The following PCDH9 variants were observed in gnomAD, a reference collection of about 807,000 sequenced individuals.
PCDH9 encodes the protein protocadherin-9.
In PCDH9, 24 loss-of-function variants were observed where a neutral mutation model predicts 70.6. The observed-to-expected ratio is 0.34, with a 90% CI of 0.25 to 0.48. The LOEUF is 0.48. Among genes scored for constraint, PCDH9 ranks in the 20% least tolerant of loss-of-function variants. The pLI, the probability that PCDH9 is intolerant of heterozygous loss-of-function variation, is 0.99. For missense variants in PCDH9, 1,281 were observed against 1,503.6 expected, an observed-to-expected ratio of 0.85 and a Z score of 2.45; for synonymous variants, 562 against 558.5, an observed-to-expected ratio of 1.01 and a Z score of -0.09.
intron 3 of PCDH9, among the ~76,000 whole-genome samples, chr13:66,706,740 T>C (rs1009023676): frequency 2.0e-5 from 3 of 152,070 alleles, no homozygotes; most frequent in Admixed American, 1.3e-4. Flanking sequence ...CCAGTGAAAA[T>C]GTGGAAATCA....
At chr13:66,549,840 G>A (rs1009259105) in intron 4 of PCDH9, among the ~76,000 whole-genome samples, 2 of 152,028 alleles carry the variant, frequency 1.3e-5, no homozygotes, top group South Asian at 4.2e-4. Flanking sequence ...GCAAAATGGC[G>A]AGACCCTATC....
chr13:67,182,125 A>T (rs1479277700), intron 2 of PCDH9, among the ~76,000 whole-genome samples: 3 of 152,168 alleles, frequency 2.0e-5, no homozygotes, highest in Non-Finnish European at 4.4e-5. Context: ...ATGGGTCTCA[A>T]ATATGTATAT....
At chr13:66,935,223 A>AT (rs1432974241) in intron 2 of PCDH9, among the ~76,000 whole-genome samples, 1 of 151,562 alleles carries the variant, frequency 6.6e-6, no homozygotes, top group Non-Finnish European at 1.5e-5. Context: ...ATGCCTGACT[A>AT]TTTTTTAATT....
At chr13:66,414,523 T>C (rs1957429245) in intron 4 of PCDH9, among the ~76,000 whole-genome samples, 1 of 152,232 alleles carries the variant, frequency 6.6e-6, no homozygotes, top group Non-Finnish European at 1.5e-5. Context: ...TAGACCTTCT[T>C]ATTTTAACTT....
intron 3 of PCDH9, among the ~76,000 whole-genome samples, chr13:66,900,505 A>C (rs17587181): frequency 0.064 from 9,716 of 151,972 alleles, 467 homozygotes; most frequent in Admixed American, 0.11. Context: ...GTAGATGAGA[A>C]GAATTATTAT....
At chr13:66,468,781 G>A (rs1414029670) in intron 4 of PCDH9, among the ~76,000 whole-genome samples, 1 of 152,098 alleles carries the variant, frequency 6.6e-6, no homozygotes, top group Non-Finnish European at 1.5e-5. Flanking sequence ...TTGGTAATGA[G>A]TTGAACAAAG....
chr13:66,890,448 C>CTTT (rs36076373), intron 3 of PCDH9, among the ~76,000 whole-genome samples: 102 of 100,506 alleles, frequency 1.0e-3, no homozygotes, highest in African/African-American at 3.0e-3. Flanking sequence ...GACTTCTGAA[C>CTTT]TTTTTTTTTT....
chr13:67,009,021 T>A (rs999338377), intron 2 of PCDH9, among the ~76,000 whole-genome samples: 5 of 152,114 alleles, frequency 3.3e-5, no homozygotes, highest in African/African-American at 1.2e-4. Flanking sequence ...AAAACTATTT[T>A]ATTTTTATTT....
intron 4 of PCDH9, among the ~76,000 whole-genome samples, chr13:66,399,019 A>G (rs1488187597): frequency 4.6e-5 from 7 of 152,200 alleles, no homozygotes; most frequent in Non-Finnish European, 1.0e-4. Context: ...GAATCATAGT[A>G]CTAACACATG....
At chr13:66,967,052 G>T (rs1016272010) in intron 2 of PCDH9, among the ~76,000 whole-genome samples, 4 of 152,004 alleles carry the variant, frequency 2.6e-5, no homozygotes, top group African/African-American at 9.7e-5. Flanking sequence ...GAACAAGGAA[G>T]GAGGACTATG....
At chr13:66,520,659 T>C (rs576506053) in intron 4 of PCDH9, among the ~76,000 whole-genome samples, 1 of 152,358 alleles carries the variant, frequency 6.6e-6, no homozygotes, top group African/African-American at 2.4e-5. Context: ...GGATGAATTC[T>C]TAACTCTGGA....
chr13:67,128,500 T>G (rs1261503427), intron 2 of PCDH9, among the ~76,000 whole-genome samples: 2 of 152,148 alleles, frequency 1.3e-5, no homozygotes, highest in African/African-American at 4.8e-5. Context: ...CACAGCAGGG[T>G]TAATCAACGT....
intron 3 of PCDH9, among the ~76,000 whole-genome samples, chr13:66,758,418 A>C (rs7321934): frequency 9.9e-5 from 15 of 151,766 alleles, no homozygotes; most frequent in South Asian, 4.1e-4. Context: ...TAACATTTTT[A>C]AAAGTTTTAT....
intron 3 of PCDH9, among the ~76,000 whole-genome samples, chr13:66,675,222 A>G (rs2078226837): frequency 6.6e-6 from 1 of 152,184 alleles, no homozygotes; most frequent in Admixed American, 6.6e-5. Flanking sequence ...AAGTCACTAA[A>G]CACAAGTGAC....
In PCDH9 at chr13:66,687,836, GA is replaced by G. The variant is rs768933473; in HGVS notation, c.3139-56426del. On this transcript the variant is annotated intron_variant, in intron 3 of 4. Coordinates refer to ENST00000377865, the MANE Select transcript of PCDH9 (RefSeq NM_203487.3). ...TTGTAACTTTCATTTTGTACTGTAA[GA>G]TTACCCTCTTCAAGAGATCTTGATG... is the stretch of plus-strand genomic sequence containing the variant. Among the ~76,000 whole-genome samples the G allele has an allele frequency of 3.9e-5, 6 of 152,160 alleles. No homozygotes were observed. In the South Asian group the frequency reaches 6.2e-4, roughly 16 times the overall value.
chr13:66,487,405 GACTTACTAAA>G (rs1378950761), intron 4 of PCDH9, among the ~76,000 whole-genome samples: 1 of 152,094 alleles, frequency 6.6e-6, no homozygotes, highest in African/African-American at 2.4e-5. Context: ...TATAGATATT[GACTTACTAAA>G]ACTACATACA....
intron 3 of PCDH9, among the ~76,000 whole-genome samples, chr13:66,859,361 T>C (rs2081444448): frequency 6.6e-6 from 1 of 152,186 alleles, no homozygotes; most frequent in Non-Finnish European, 1.5e-5. Flanking sequence ...TTAGTGTTTG[T>C]ATTTGAACAA....
intron 4 of PCDH9, among the ~76,000 whole-genome samples, chr13:66,337,834 G>A (rs941051382): frequency 6.2e-4 from 94 of 151,994 alleles, no homozygotes; most frequent in African/African-American, 2.2e-3. Flanking sequence ...AAATTTAATT[G>A]AATGCATTTT....
intron 4 of PCDH9, among the ~76,000 whole-genome samples, chr13:66,488,160 CCAA>C (rs1309912047): frequency 6.6e-6 from 1 of 152,044 alleles, no homozygotes; most frequent in African/African-American, 2.4e-5. Flanking sequence ...CTATACAACC[CCAA>C]CAACCATGCC....
Sources: allele counts gnomAD v4.1 joint callset (sites outside exome capture counted in the v4.1 genomes callset), GRCh38; gene constraint gnomAD v4.1.1; transcripts MANE v1.5; gene names NCBI Gene and HGNC (gene_info 2026-07-23, HGNC 2026-07-21).